Variants in PIAS1 observed in about 807,000 individuals in gnomAD.
PIAS1 encodes protein inhibitor of activated STAT 1.
Under a neutral mutation model 71.3 loss-of-function variants are expected in PIAS1, and 6 were observed. The observed-to-expected ratio is 0.08, with a 90% CI of 0.05 to 0.17. The LOEUF is 0.17. Ranked by LOEUF, PIAS1 falls within the 10% of genes least tolerant of loss-of-function variation. PIAS1 has a pLI of 1.00. For missense variants in PIAS1, 555 were observed against 793.6 expected, an observed-to-expected ratio of 0.70 and a Z score of 3.61; for synonymous variants, 303 against 292.9, an observed-to-expected ratio of 1.03 and a Z score of -0.35.
At chr15:68,087,769 T>G (rs2092296345) in intron 2 of PIAS1, 1 of 334,122 alleles carries the variant, frequency 3.0e-6, no homozygotes, top group African/African-American at 2.1e-5. Context: ...TGCGAATTTT[T>G]GAGAACATTT....
chr15:68,162,736 A>G (rs1469313992), intron 7 of PIAS1, among the ~76,000 whole-genome samples: 2 of 152,182 alleles, frequency 1.3e-5, no homozygotes, highest in Non-Finnish European at 2.9e-5. Context: ...CCAAGCCCAG[A>G]GAACCTGGAA....
chr15:68,123,264 C>T (rs571813593), intron 2 of PIAS1, among the ~76,000 whole-genome samples: 1 of 152,072 alleles, frequency 6.6e-6, no homozygotes, highest in East Asian at 1.9e-4. Context: ...GTTACTCAGG[C>T]TGGTCTCAAA....
intron 1 of PIAS1, among the ~76,000 whole-genome samples, chr15:68,069,689 A>C (rs1177487971): frequency 6.6e-6 from 1 of 151,836 alleles, no homozygotes; most frequent in Non-Finnish European, 1.5e-5. Flanking sequence ...CTGTAGTCCC[A>C]GCTACTTGGG....
Position 68,181,327 on chromosome 15 carries a change from A to C in PIAS1, c.1597A>C (p.Met533Leu). The change falls in exon 12 of 14, where the codon ATG becomes CTG. Residue 533 changes from methionine (M) to leucine (L), a missense_variant. Met to Leu is a conservative substitution (Grantham distance 15, BLOSUM62 2). Coordinates refer to ENST00000249636, the MANE Select transcript of PIAS1 (RefSeq NM_016166.3). ...LIQDYRHPFH[M>L]TPMPYDLQGL... ...CCAAGACTATAGGCATCCTTTCCACATGACACCCATGCCTTACGACTTACA... is the reference window on the plus strand; with the variant it reads ...CCAAGACTATAGGCATCCTTTCCACCTGACACCCATGCCTTACGACTTACA... 2.5e-6 allele frequency: 4 copies of C among 1,613,664 alleles called. No individual in the cohort carries two copies. The highest frequency in any genetic ancestry group is 2.5e-6 in the Non-Finnish European group (3 of 1,179,676).
chr15:68,065,736 CTTTTTTTTTTT>C lies in PIAS1; in HGVS notation c.24+11397_24+11407del, dbSNP rs35947814. 2.5e-4 allele frequency among the ~76,000 whole-genome samples: 25 copies of C among 99,572 alleles called. No homozygotes were observed. In the South Asian group the frequency reaches 3.9e-3, roughly 16 times the overall value. 65.3% of individuals were successfully genotyped at this position (99,572 alleles called of 152,430 possible). ...GCACTGAACGAATGTGCTTGAAGTA[CTTTTTTTTTTT>C]TTTTTTTTTTGGAGACAGGGTCTCC... On this transcript the variant is annotated intron_variant, in intron 1 of 13. Transcript: ENST00000249636.
chr15:68,140,182 T>C (rs1342067688), intron 2 of PIAS1, among the ~76,000 whole-genome samples: 2 of 152,196 alleles, frequency 1.3e-5, no homozygotes, highest in African/African-American at 4.8e-5. Context: ...CTTGTTATTT[T>C]AGTTATATCT....
chr15:68,153,041 G>C (rs1161171975), intron 6 of PIAS1, among the ~76,000 whole-genome samples: 3 of 151,012 alleles, frequency 2.0e-5, no homozygotes, highest in African/African-American at 7.3e-5. Flanking sequence ...TGCTTGTTGT[G>C]ATAATGGCCC....
rs182824100 is a variant in PIAS1, at chr15:68,095,737, C to T, written c.469+8987C>T. 3.3e-3 allele frequency among the ~76,000 whole-genome samples: 505 copies of T among 152,068 alleles called. 3 individuals carry two copies. Among genetic ancestry groups the T allele is most frequent in the African/African-American group, 0.011 (449 of 41,468 alleles). ...GTAGAGACAGGGTTTCATCATGTTGCCCAGGCTGGTCCCAAAATCTTGAGC... is the reference window on the plus strand; with the variant it reads ...GTAGAGACAGGGTTTCATCATGTTGTCCAGGCTGGTCCCAAAATCTTGAGC... On this transcript the variant is annotated intron_variant, in intron 2 of 13. Coordinates refer to ENST00000249636, the MANE Select transcript of PIAS1 (RefSeq NM_016166.3).
intron 2 of PIAS1, among the ~76,000 whole-genome samples, chr15:68,098,441 C>CT (rs2092396414): frequency 6.6e-6 from 1 of 152,034 alleles, no homozygotes; most frequent in African/African-American, 2.4e-5. Context: ...ATCTTGCTGT[C>CT]TAAGAGGTGA....
chr15:68,061,756 G>A (rs2091961199), intron 1 of PIAS1, among the ~76,000 whole-genome samples: 2 of 152,090 alleles, frequency 1.3e-5, no homozygotes, highest in African/African-American at 2.4e-5. Context: ...ACTTTGAATG[G>A]CTTTCTATCG....
intron 2 of PIAS1, among the ~76,000 whole-genome samples, chr15:68,128,045 G>A (rs545715098): frequency 3.3e-5 from 5 of 152,302 alleles, no homozygotes; most frequent in African/African-American, 9.6e-5. Context: ...GATTACAGGC[G>A]TGAGCTACCA....
chr15:68,146,389 A>G (rs2092808220), intron 5 of PIAS1, among the ~76,000 whole-genome samples, 177 bp from the exon 6 acceptor site: 1 of 152,194 alleles, frequency 6.6e-6, no homozygotes, highest in Admixed American at 6.5e-5. Flanking sequence ...TAAGGAGAGT[A>G]TAAGGTTGTT....
intron 2 of PIAS1, among the ~76,000 whole-genome samples, chr15:68,089,182 C>T (rs537960667): frequency 2.6e-5 from 4 of 152,128 alleles, no homozygotes; most frequent in Non-Finnish European, 5.9e-5. Flanking sequence ...GACAGTAGTT[C>T]TGATAATTCC....
chr15:68,184,236 T>C (rs967542253), intron 13 of PIAS1: 2 of 152,248 alleles, frequency 1.3e-5, no homozygotes, highest in African/African-American at 4.8e-5. Context: ...TTAAGGACGA[T>C]GAAAGTGGAA....
intron 1 of PIAS1, among the ~76,000 whole-genome samples, chr15:68,055,586 G>A (rs777006965): frequency 3.4e-4 from 51 of 151,996 alleles, no homozygotes; most frequent in Non-Finnish European, 2.4e-4. Context: ...CTTAACTAAC[G>A]CGTATTATTT....
intron 2 of PIAS1, among the ~76,000 whole-genome samples, chr15:68,090,927 G>GTAGGTGTGT: frequency 7.0e-6 from 1 of 142,762 alleles, no homozygotes; most frequent in African/African-American, 2.6e-5. Flanking sequence ...GTCATTTACG[G>GTAGGTGTGT]GTGTGTGTGT....
chr15:68,177,681 C>T (rs192766246), intron 11 of PIAS1, among the ~76,000 whole-genome samples: 1 of 152,292 alleles, frequency 6.6e-6, no homozygotes, highest in Non-Finnish European at 1.5e-5. Flanking sequence ...CCTTAAACAG[C>T]TTAGCACTTT....
chr15:68,124,869 T>C (rs2092639176), intron 2 of PIAS1, among the ~76,000 whole-genome samples: 1 of 152,236 alleles, frequency 6.6e-6, no homozygotes, highest in Admixed American at 6.5e-5. Flanking sequence ...CTTTTGGCTT[T>C]TAAAAAAATG....
chr15:68,131,480 T>TA (rs11398417), intron 2 of PIAS1, among the ~76,000 whole-genome samples: 149,627 of 150,504 alleles, frequency 0.99, 74,380 homozygotes, highest in Middle Eastern at 1. Flanking sequence ...AAGATCTTAT[T>TA]AAAAAAAAAA....
Sources: gnomAD v4.1 joint callset for allele counts (sites outside exome capture counted in the v4.1 genomes callset) on GRCh38, gnomAD v4.1.1 for gene constraint, MANE v1.5 for transcripts, NCBI Gene and HGNC (gene_info 2026-07-23, HGNC 2026-07-21) for gene names.